Variants in EPYC observed in about 807,000 individuals in gnomAD.
The protein encoded by EPYC is epiphycan.
EPYC carries 28 observed loss-of-function variants against 30.1 expected under a neutral mutation model. The ratio of observed to expected loss-of-function variants is 0.93; its 90% CI spans 0.69 to 1.28. The LOEUF (loss-of-function observed/expected upper bound fraction) is 1.28, where lower values mean the gene tolerates loss of function less well. EPYC is among the 50% of genes most tolerant of loss of function. The pLI, the probability that EPYC is intolerant of heterozygous loss-of-function variation, is 0.00. For missense variants in EPYC, 382 were observed against 383.5 expected (o/e 1.00, Z 0.03); for synonymous variants, 144 against 141.4 (o/e 1.02, Z -0.13).
intron 6 of EPYC, among the ~76,000 whole-genome samples, chr12:90,967,320 A>AT (rs34416278): frequency 0.66 from 100,172 of 151,352 alleles, 35,905 homozygotes; most frequent in East Asian, 0.8. Flanking sequence ...TTTATCTCTG[A>AT]TTTTTTTTAA....
chr12:90,964,526 A>G lies in EPYC; in HGVS notation c.799-200T>C, dbSNP rs568836273. ...ACATGCTCCTGTTTTTAAGGAGCTT[A>G]TACTTCAGTAAGAGAAATACAATTT... On this transcript the variant is annotated intron_variant, in intron 6 of 6. Coordinates refer to ENST00000261172, the MANE Select transcript of EPYC (RefSeq NM_004950.5). Among the ~76,000 whole-genome samples, 8 of 152,338 alleles carry G rather than the reference A, an allele frequency of 5.3e-5. No homozygotes were observed. In the South Asian group the frequency reaches 1.7e-3, roughly 32 times the overall value.
chr12:90,996,489 T>C (rs1477307443), intron 2 of EPYC, among the ~76,000 whole-genome samples: 1 of 151,952 alleles, frequency 6.6e-6, no homozygotes, highest in East Asian at 1.9e-4. Context: ...CATATTATAA[T>C]AAAGACAAAT....
In EPYC at chr12:90,963,995, A is replaced by G. The variant is rs1285495871; in HGVS notation, c.*161T>C. 2 of 508,728 alleles carry G rather than the reference A, an allele frequency of 3.9e-6. No homozygotes were observed. Among genetic ancestry groups the G allele is most frequent in the Admixed American group, 4.2e-5 (1 of 23,750 alleles). 31.5% of individuals were successfully genotyped at this position (508,728 alleles called of 1,614,324 possible). On this transcript the variant is annotated 3_prime_UTR_variant, in exon 7 of 7. Coordinates refer to ENST00000261172, the MANE Select transcript of EPYC (RefSeq NM_004950.5). ...TCCTAACTCATCTGGTGTTTTCTTAAATTACTACATTTTCATTATAACATT... is the reference window on the plus strand; with the variant it reads ...TCCTAACTCATCTGGTGTTTTCTTAGATTACTACATTTTCATTATAACATT...
At chr12:90,981,380 A>G (rs1323260468) in intron 2 of EPYC, among the ~76,000 whole-genome samples, 2 of 152,134 alleles carry the variant, frequency 1.3e-5, no homozygotes, top group Non-Finnish European at 2.9e-5. Context: ...AAATCATCCA[A>G]TTACATTTAT....
At position 90,971,863 on chromosome 12, in the gene EPYC, C is replaced by T; in HGVS notation, c.639G>A (p.Leu213=). Residue 213 remains leucine, a synonymous_variant, in exon 5 of 7, where the codon TTG becomes TTA. Coordinates refer to ENST00000261172, the MANE Select transcript of EPYC (RefSeq NM_004950.5). ...IRQLPELPTT[L]TFIDISNNRL... ...TATTGTTGCTAATATCAATAAATGT[C>T]AAAGTGGTTGGCAATTCTGGGAGCT... The T allele has an allele frequency of 1.9e-6, 3 of 1,612,426 alleles. No individual in the cohort carries two copies. Among genetic ancestry groups the T allele is most frequent in the Non-Finnish European group, 8.5e-7 (1 of 1,179,360 alleles).
chr12:90,972,916 A>G lies in EPYC; in HGVS notation c.405T>C (p.Leu135=), dbSNP rs1659356019. Reference sequence around the variant, plus strand: ...TCTTTGGCAGCGGAGGAATAGCATCAAGTTCATGGTCATCACAGTACACGG... The same window carrying G: ...TCTTTGGCAGCGGAGGAATAGCATCGAGTTCATGGTCATCACAGTACACGG... The part of the protein sequence containing the change: ...STTVYCDDHE[L]DAIPPLPKNT... The change falls in exon 4 of 7, where the codon CTT becomes CTC. Residue 135 remains leucine (L), a synonymous_variant. Coordinates refer to ENST00000261172, the MANE Select transcript of EPYC (RefSeq NM_004950.5). The G allele has an allele frequency of 6.2e-7, 1 of 1,612,740 alleles. No homozygotes were observed. The highest frequency in any genetic ancestry group is 8.5e-7 in the Non-Finnish European group (1 of 1,178,774).
intron 6 of EPYC, among the ~76,000 whole-genome samples, chr12:90,965,075 C>T (rs935341635): frequency 1.3e-5 from 2 of 152,060 alleles, no homozygotes; most frequent in Non-Finnish European, 2.9e-5. Flanking sequence ...TATAGATTTT[C>T]CTATCTGGAC....
At chr12:90,985,312 T>A (rs1436946656) in intron 2 of EPYC, among the ~76,000 whole-genome samples, 1 of 152,102 alleles carries the variant, frequency 6.6e-6, no homozygotes, top group East Asian at 1.9e-4. Context: ...ATGGGAGGCC[T>A]TAAGAAAATA....
At position 90,968,791 on chromosome 12, in the gene EPYC, T is replaced by C. The variant is rs115924544; in HGVS notation, c.798+1253A>G. On this transcript the variant is annotated intron_variant, in intron 6 of 6. Coordinates refer to ENST00000261172, the MANE Select transcript of EPYC (RefSeq NM_004950.5). ...TTTAATTCATAATTGGAAAACACAT[T>C]CTAAAATCTCTAAGTACTCCCTTGG... 7.0e-3 allele frequency among the ~76,000 whole-genome samples: 1,068 copies of C among 152,064 alleles called. 9 individuals are homozygous for C. Among genetic ancestry groups the C allele is most frequent in the African/African-American group, 0.025 (1,029 of 41,502 alleles).
intron 6 of EPYC, among the ~76,000 whole-genome samples, chr12:90,965,542 C>T (rs1349336439): frequency 6.6e-6 from 1 of 152,044 alleles, no homozygotes; most frequent in African/African-American, 2.4e-5. Context: ...TTTATTTTAG[C>T]CAAATAAGTG....
At chr12:90,995,440 G>A (rs1051998110) in intron 2 of EPYC, among the ~76,000 whole-genome samples, 2 of 151,972 alleles carry the variant, frequency 1.3e-5, no homozygotes, top group African/African-American at 4.8e-5. Context: ...GCTCAAAGAA[G>A]TAAAGATAAA....
At chr12:90,968,461 C>A (rs1876954606) in intron 6 of EPYC, among the ~76,000 whole-genome samples, 1 of 152,142 alleles carries the variant, frequency 6.6e-6, no homozygotes, top group Admixed American at 6.5e-5. Flanking sequence ...TGCTATACTA[C>A]ATGTTGGCAA....
intron 2 of EPYC, 101 bp downstream of exon 2, chr12:91,002,300 T>C (rs1877849798): frequency 2.1e-6 from 2 of 956,908 alleles, no homozygotes; most frequent in East Asian, 5.2e-5. Context: ...ATAAAATCTT[T>C]CTACTTATAA....
At chr12:90,967,173 A>C (rs933900583) in intron 6 of EPYC, among the ~76,000 whole-genome samples, 2 of 151,774 alleles carry the variant, frequency 1.3e-5, no homozygotes, top group Non-Finnish European at 2.9e-5. Flanking sequence ...TACTTTTTCA[A>C]TTATCTTAAG....
intron 6 of EPYC, among the ~76,000 whole-genome samples, chr12:90,965,183 G>C (rs1184898869): frequency 2.0e-5 from 3 of 152,032 alleles, no homozygotes; most frequent in Non-Finnish European, 4.4e-5. Context: ...GGATGTATTG[G>C]TACTTCATTC....
At chr12:90,968,716 G>T (rs1402004718) in intron 6 of EPYC, among the ~76,000 whole-genome samples, 2 of 151,960 alleles carry the variant, frequency 1.3e-5, no homozygotes, top group Admixed American at 6.6e-5. Context: ...TAACATCAAA[G>T]ACTTGTTTTA....
chr12:90,977,372 G>T (rs1877211712), intron 3 of EPYC, among the ~76,000 whole-genome samples: 1 of 152,096 alleles, frequency 6.6e-6, no homozygotes, highest in South Asian at 2.1e-4. Context: ...TTAACTAAAA[G>T]GCTCTGGTTT....
Position 90,963,877 on chromosome 12 carries a change from TA to T in EPYC, c.*278del. The T allele has an allele frequency of 4.3e-6, 1 of 233,346 alleles. No individual in the cohort carries two copies. Among genetic ancestry groups the T allele is most frequent in the East Asian group, 8.2e-5 (1 of 12,200 alleles). The allele number at this position is 233,346 out of a possible 1,614,324, so 14.5% of individuals were successfully genotyped here. ...TGAAATGATATAGGATATGAACTCC[TA>T]AAACTTGCAAGTGATACATGATCTA... On this transcript the variant is annotated 3_prime_UTR_variant, in exon 7 of 7. Transcript: ENST00000261172.
At chr12:90,974,029 TACACACACTCACACAC>T (rs1438082846) in intron 3 of EPYC, among the ~76,000 whole-genome samples, 1 of 81,032 alleles carries the variant, frequency 1.2e-5, no homozygotes, top group Non-Finnish European at 2.7e-5. Flanking sequence ...TTTTCTGTCT[TACACACACTCACACAC>T]ACACACACAC....
Sources: gnomAD v4.1 joint callset for allele counts (sites outside exome capture counted in the v4.1 genomes callset) on GRCh38, gnomAD v4.1.1 for gene constraint, MANE v1.5 for transcripts, NCBI Gene and HGNC (gene_info 2026-07-23, HGNC 2026-07-21) for gene names.